ASAP3: variants seen among roughly 807,000 people sequenced by gnomAD.
The protein encoded by ASAP3 is ArfGAP with SH3 domain, ankyrin repeat and PH domain 3.
Under a neutral mutation model 118.2 loss-of-function variants are expected in ASAP3, and 85 were observed. That is an observed-to-expected ratio of 0.72 (90% CI 0.60 to 0.86). The LOEUF (loss-of-function observed/expected upper bound fraction) is 0.86, where lower values mean the gene tolerates loss of function less well. Ranked by LOEUF, ASAP3 falls within the 40% of genes least tolerant of loss-of-function variation. ASAP3 has a pLI of 0.00. For missense variants in ASAP3, 1,026 were observed against 1,175.0 expected, an observed-to-expected ratio of 0.87 and a Z score of 1.85; for synonymous variants, 432 against 477.4, an observed-to-expected ratio of 0.90 and a Z score of 1.24.
chr1:23,482,551 T>C (rs1235174163), intron 1 of ASAP3, among the ~76,000 whole-genome samples: 2 of 152,022 alleles, frequency 1.3e-5, no homozygotes. Flanking sequence ...TTATATGCAT[T>C]GTCTCATGTG....
Position 23,436,779 on chromosome 1 carries a change from G to C in ASAP3, c.1477-125C>G. The C allele has an allele frequency of 1.3e-6, 2 of 1,526,354 alleles. No homozygotes were observed. Among genetic ancestry groups the C allele is most frequent in the South Asian group, 2.5e-5 (2 of 81,266 alleles). The allele number at this position is 1,526,354 out of a possible 1,614,324, so 94.6% of individuals were successfully genotyped here. ...CCCTCCCGGTTCAGGCCCCGCCCCTGACCACCCGCTACCTGGCTTGTCCCA... is the reference window on the plus strand; with the variant it reads ...CCCTCCCGGTTCAGGCCCCGCCCCTCACCACCCGCTACCTGGCTTGTCCCA... On this transcript the variant is annotated intron_variant, in intron 15 of 24. Transcript: ENST00000336689. This position sits in a 1 kb window ranked among gnomAD's most constrained non-coding sequence, Gnocchi z 4.2.
chr1:23,474,673 T>C (rs1230386234), intron 1 of ASAP3, among the ~76,000 whole-genome samples: 2 of 152,064 alleles, frequency 1.3e-5, no homozygotes, highest in Non-Finnish European at 2.9e-5. Flanking sequence ...AACCTCCACC[T>C]CCCGGGTTCA....
At chr1:23,467,704 C>A (rs1416480142) in intron 1 of ASAP3, among the ~76,000 whole-genome samples, 1 of 151,984 alleles carries the variant, frequency 6.6e-6, no homozygotes, top group Non-Finnish European at 1.5e-5. Flanking sequence ...GTAATCCCAG[C>A]ACTTTGGGAG....
In ASAP3 at chr1:23,431,103, G is replaced by A. The variant is rs200734272; in HGVS notation, c.2569C>T (p.Arg857Trp). ...RFSSESTRSYRRGARSPEDGP... is the reference protein window; with the variant it reads ...RFSSESTRSYWRGARSPEDGP... The stretch of plus-strand genomic sequence containing the variant: ...TCTTCAGGGCTCCGCGCCCCCCGCC[G>A]ATAGGAGCGAGTGCTCTCGGAGCTG... The change falls in exon 24 of 25, where the codon CGG becomes TGG. Residue 857 changes from arginine (R) to tryptophan (W), a missense_variant. Transcript: ENST00000336689. 4.2e-5 allele frequency: 67 copies of A among 1,591,864 alleles called. No individual in the cohort carries two copies. Among genetic ancestry groups the A allele is most frequent in the Non-Finnish European group, 5.4e-5 (63 of 1,169,898 alleles).
At chr1:23,455,026 G>T (rs375792216) in intron 3 of ASAP3, among the ~76,000 whole-genome samples, 16 of 152,294 alleles carry the variant, frequency 1.1e-4, no homozygotes, top group Non-Finnish European at 1.9e-4. Flanking sequence ...GGAGCCACAA[G>T]AGCTGGTCCA....
intron 1 of ASAP3, among the ~76,000 whole-genome samples, chr1:23,468,724 A>G (rs957750097): frequency 6.6e-6 from 1 of 151,308 alleles, no homozygotes; most frequent in Non-Finnish European, 1.5e-5. Flanking sequence ...AAAATACAAA[A>G]ATTAGCCGGG....
At chr1:23,435,309 G>A (rs781390829) in intron 17 of ASAP3, among the ~76,000 whole-genome samples, 23 of 152,228 alleles carry the variant, frequency 1.5e-4, no homozygotes, top group Non-Finnish European at 2.4e-4. Flanking sequence ...GATTACAGGC[G>A]TGAGCCACCA....
Position 23,436,485 on chromosome 1 carries a change from CT to C in ASAP3, c.1571+74del. 1.9e-6 allele frequency: 3 copies of C among 1,544,606 alleles called. No individual in the cohort carries two copies. The highest frequency in any genetic ancestry group is 2.7e-6 in the Non-Finnish European group (3 of 1,120,376). ...GCCTCCCCAGACTTCTGATCCAAGA[CT>C]TTTCTACGACCCTGGACACTGCGGA... is the stretch of plus-strand genomic sequence containing the variant. On this transcript the variant is annotated intron_variant, in intron 16 of 24. Coordinates refer to ENST00000336689, the MANE Select transcript of ASAP3 (RefSeq NM_017707.4). This position sits in a 1 kb window ranked among gnomAD's most constrained non-coding sequence, Gnocchi z 4.2.
At chr1:23,453,031 G>A (rs903775866) in intron 3 of ASAP3, among the ~76,000 whole-genome samples, 2 of 152,114 alleles carry the variant, frequency 1.3e-5, no homozygotes, top group Non-Finnish European at 2.9e-5. Context: ...CAGGCTTCCT[G>A]TGTGAAAGGG....
chr1:23,473,974 CTT>C (rs10664798), intron 1 of ASAP3, among the ~76,000 whole-genome samples: 31 of 72,102 alleles, frequency 4.3e-4, no homozygotes, highest in African/African-American at 1.2e-3. Context: ...TAAATCTGCT[CTT>C]TTTTTTTTTT....
rs566243339 is a variant in ASAP3, at chr1:23,463,243, TGAAAAGG to T, written c.130-7056_130-7050del. Among the ~76,000 whole-genome samples, 9 of 152,236 alleles carry T rather than the reference TGAAAAGG, an allele frequency of 5.9e-5. No homozygotes were observed. The South Asian group carries it at 1.9e-3, about 32-fold the overall frequency. Reference sequence around the variant, plus strand: ...AACATGCAAGTGCCCATAGGGAGCATGAAAAGGGAAAAGTTCTAATTACTCCTTTCTC... The same window carrying T: ...AACATGCAAGTGCCCATAGGGAGCATGAAAAGTTCTAATTACTCCTTTCTC... On this transcript the variant is annotated intron_variant, in intron 1 of 24. Transcript: ENST00000336689.
intron 24 of ASAP3, among the ~76,000 whole-genome samples, 184 bp from the exon 25 acceptor site, chr1:23,430,114 G>A (rs1300210071): frequency 6.6e-6 from 1 of 152,202 alleles, no homozygotes. Context: ...TAAAGCCCAA[G>A]CTCTTGCTAT....
chr1:23,480,081 G>A (rs948411540), intron 1 of ASAP3: 2 of 152,156 alleles, frequency 1.3e-5, no homozygotes, highest in Non-Finnish European at 2.9e-5. Flanking sequence ...AAAATCACCT[G>A]AGCCCAGGAG....
chr1:23,458,858 A>AAGACAAT (rs1641476457), intron 1 of ASAP3, among the ~76,000 whole-genome samples: 1 of 152,122 alleles, frequency 6.6e-6, no homozygotes, highest in South Asian at 2.1e-4. Flanking sequence ...TTCGCTCTAA[A>AAGACAAT]AGACAATTCA....
At chr1:23,447,342 C>T (rs916320844) in intron 5 of ASAP3, among the ~76,000 whole-genome samples, 2 of 152,164 alleles carry the variant, frequency 1.3e-5, no homozygotes, top group Non-Finnish European at 2.9e-5. Flanking sequence ...CTACTATGTT[C>T]TGTTTTATTA....
At chr1:23,449,190 T>G (rs1641136465) in intron 5 of ASAP3, among the ~76,000 whole-genome samples, 1 of 152,226 alleles carries the variant, frequency 6.6e-6, no homozygotes, top group Non-Finnish European at 1.5e-5. Flanking sequence ...GTCAATCTCT[T>G]CCTGTGTTAT....
chr1:23,448,831 C>T (rs1641124704), intron 5 of ASAP3, among the ~76,000 whole-genome samples: 1 of 152,070 alleles, frequency 6.6e-6, no homozygotes, highest in African/African-American at 2.4e-5. Flanking sequence ...GATCATTATC[C>T]CATTTTATAG....
chr1:23,477,055 C>T (rs1296061166), intron 1 of ASAP3, among the ~76,000 whole-genome samples: 1 of 151,536 alleles, frequency 6.6e-6, no homozygotes, highest in Non-Finnish European at 1.5e-5. Flanking sequence ...CTTGCTCTGT[C>T]GCCCAGGCTG....
intron 5 of ASAP3, among the ~76,000 whole-genome samples, chr1:23,447,988 C>T (rs1055921936): frequency 3.3e-5 from 5 of 152,160 alleles, no homozygotes; most frequent in African/African-American, 1.2e-4. Flanking sequence ...TGCTTTTCTT[C>T]CCCTATAAAA....
Sources: allele counts gnomAD v4.1 joint callset (sites outside exome capture counted in the v4.1 genomes callset), GRCh38; gene constraint gnomAD v4.1.1; non-coding constraint Gnocchi (gnomAD v3.1); transcripts MANE v1.5; gene names NCBI Gene and HGNC (gene_info 2026-07-23, HGNC 2026-07-21).